Variants in KCNIP3 observed in about 807,000 individuals in gnomAD.
The protein encoded by KCNIP3 is calsenilin.
Under a neutral mutation model 35.0 loss-of-function variants are expected in KCNIP3, and 28 were observed. The ratio of observed to expected loss-of-function variants is 0.80; its 90% CI spans 0.59 to 1.10. The LOEUF (loss-of-function observed/expected upper bound fraction) is 1.10, where lower values mean the gene tolerates loss of function less well. Ranked by LOEUF, KCNIP3 falls within the 50% of genes least tolerant of loss-of-function variation. The probability of loss-of-function intolerance (pLI) is 0.00; values close to 1 mark genes in which losing one functional copy is unlikely to be tolerated. For synonymous variants in KCNIP3, 134 were observed against 133.8 expected (o/e 1.00, Z -0.01); for missense variants, 295 against 338.4 (o/e 0.87, Z 1.01).
At chr2:95,305,033 C>T (rs1037144868) in intron 1 of KCNIP3, among the ~76,000 whole-genome samples, 11 of 152,204 alleles carry the variant, frequency 7.2e-5, no homozygotes, top group Admixed American at 2.0e-4. Flanking sequence ...CCCTAAATGC[C>T]CACACTGCCA....
chr2:95,367,002 T>C (rs1679933592), intron 2 of KCNIP3, among the ~76,000 whole-genome samples: 1 of 152,130 alleles, frequency 6.6e-6, no homozygotes, highest in Admixed American at 6.5e-5. Context: ...TAACAATATC[T>C]TTGTAATCCC....
At chr2:95,375,086 T>A in intron 4 of KCNIP3, 52 bp from the exon 5 acceptor site, 1 of 1,588,374 alleles carries the variant, frequency 6.3e-7, no homozygotes, top group Non-Finnish European at 8.6e-7. Context: ...GGGTGGGAGA[T>A]GAGCCGCCAG....
intron 2 of KCNIP3, among the ~76,000 whole-genome samples, chr2:95,325,294 TGAGCAGCGGG>T (rs1678708675): frequency 6.6e-6 from 1 of 152,118 alleles, no homozygotes. Context: ...GGAGCTCACC[TGAGCAGCGGG>T]GAGGCTGTGG....
intron 1 of KCNIP3, among the ~76,000 whole-genome samples, chr2:95,302,317 G>A (rs192977127): frequency 6.6e-6 from 1 of 152,226 alleles, no homozygotes; most frequent in African/African-American, 2.4e-5. Flanking sequence ...GCAAGGCCAA[G>A]AATTTTCTAT....
At chr2:95,335,423 T>C (rs1240301260) in intron 2 of KCNIP3, among the ~76,000 whole-genome samples, 1 of 152,268 alleles carries the variant, frequency 6.6e-6, no homozygotes, top group Non-Finnish European at 1.5e-5. Context: ...GTATTCTGGC[T>C]TCTGTGGTTT....
intron 2 of KCNIP3, among the ~76,000 whole-genome samples, chr2:95,373,373 CT>C (rs1488415863): frequency 6.6e-6 from 1 of 150,940 alleles, no homozygotes; most frequent in Non-Finnish European, 1.5e-5. Flanking sequence ...GAAATTGCAC[CT>C]CCCCCTCAAA....
chr2:95,352,962 C>G (rs1445640390), intron 2 of KCNIP3, among the ~76,000 whole-genome samples: 1 of 152,248 alleles, frequency 6.6e-6, no homozygotes, highest in African/African-American at 2.4e-5. Flanking sequence ...CAGGTTGTTG[C>G]TTCAGTGATT....
intron 1 of KCNIP3, chr2:95,310,142 T>A: frequency 1.5e-6 from 1 of 686,450 alleles, no homozygotes; most frequent in East Asian, 2.8e-5. Flanking sequence ...AGGGGTCCCA[T>A]CTTACACCAT....
At chr2:95,314,276 G>T (rs1678399694) in intron 2 of KCNIP3, among the ~76,000 whole-genome samples, 1 of 152,176 alleles carries the variant, frequency 6.6e-6, no homozygotes. Context: ...ACATCATGAA[G>T]CATCAAGATA....
chr2:95,342,555 C>T (rs982321524), intron 2 of KCNIP3, among the ~76,000 whole-genome samples: 25 of 152,138 alleles, frequency 1.6e-4, no homozygotes, highest in African/African-American at 5.3e-4. Context: ...TTCATATGTC[C>T]GAAAGATACA....
chr2:95,330,497 G>A (rs972286012), intron 2 of KCNIP3, among the ~76,000 whole-genome samples: 3 of 152,130 alleles, frequency 2.0e-5, no homozygotes, highest in Non-Finnish European at 2.9e-5. Flanking sequence ...CCTCTCCCTC[G>A]AGGCCCAGTC....
At chr2:95,317,174 A>G (rs1678478757) in intron 2 of KCNIP3, among the ~76,000 whole-genome samples, 1 of 152,172 alleles carries the variant, frequency 6.6e-6, no homozygotes, top group Admixed American at 6.5e-5. Context: ...TGAGCCTCCT[A>G]GGCAGGGGAC....
intron 2 of KCNIP3, among the ~76,000 whole-genome samples, chr2:95,327,270 C>T (rs1274196305): frequency 6.6e-6 from 1 of 152,216 alleles, no homozygotes; most frequent in Non-Finnish European, 1.5e-5. Flanking sequence ...CCCCTAGTTC[C>T]CATCCCCAGG....
intron 1 of KCNIP3, 106 bp from the exon 2 acceptor site, chr2:95,310,249 T>C (rs1168412144): frequency 7.6e-7 from 1 of 1,317,842 alleles, no homozygotes; most frequent in Non-Finnish European, 1.1e-6. Context: ...GAGCCCTCTG[T>C]TGTGTTCAGG....
intron 2 of KCNIP3, among the ~76,000 whole-genome samples, chr2:95,361,073 G>A (rs1471288703): frequency 1.3e-5 from 2 of 152,220 alleles, no homozygotes; most frequent in African/African-American, 4.8e-5. Context: ...TTTGCCCTGA[G>A]CAGTCTTCTA....
At position 95,381,614 on chromosome 2, in the gene KCNIP3, T is replaced by C. The variant is rs756369967; in HGVS notation, c.466T>C (p.Ser156Pro). 3.1e-6 allele frequency: 5 copies of C among 1,613,874 alleles called. No homozygotes were observed. Among genetic ancestry groups the C allele is most frequent in the Non-Finnish European group, 4.2e-6 (5 of 1,179,870 alleles). ...IHFEDFVVGL[S>P]ILLRGTVHEK... ...CCCATAGGACTTTGTGGTTGGCCTC[T>C]CCATCCTGCTGCGGGGCACAGTCCA... Residue 156 changes from serine (S) to proline (P), a missense_variant, in exon 6 of 9, where the codon TCC (serine) becomes CCC (proline). Ser to Pro is a moderately conservative substitution (Grantham distance 74, BLOSUM62 -1). Coordinates refer to ENST00000295225, the MANE Select transcript of KCNIP3 (RefSeq NM_013434.5).
chr2:95,307,872 T>A (rs999713612), intron 1 of KCNIP3, among the ~76,000 whole-genome samples: 1 of 152,248 alleles, frequency 6.6e-6, no homozygotes, highest in Non-Finnish European at 1.5e-5. Flanking sequence ...GAATTTGTGA[T>A]GTAATGAAGC....
At chr2:95,362,875 A>C (rs1034816808) in intron 2 of KCNIP3, among the ~76,000 whole-genome samples, 1 of 152,182 alleles carries the variant, frequency 6.6e-6, no homozygotes, top group Non-Finnish European at 1.5e-5. Context: ...TGCCAAAAAA[A>C]CTTATTTTTT....
intron 2 of KCNIP3, among the ~76,000 whole-genome samples, chr2:95,366,158 G>C (rs1473878325): frequency 6.6e-6 from 1 of 152,030 alleles, no homozygotes; most frequent in African/African-American, 2.4e-5. Context: ...TGGCGATATA[G>C]AACAATGTCG....
Sources: gnomAD v4.1 joint callset for allele counts (sites outside exome capture counted in the v4.1 genomes callset) on GRCh38, gnomAD v4.1.1 for gene constraint, MANE v1.5 for transcripts, NCBI Gene and HGNC (gene_info 2026-07-23, HGNC 2026-07-21) for gene names.